The following MAP3K12 variants were observed in gnomAD, a reference collection of about 807,000 sequenced individuals.
MAP3K12 encodes mitogen-activated protein kinase kinase kinase 12.
A neutral mutation model predicts 87.5 loss-of-function variants in MAP3K12; 14 were observed. The observed-to-expected ratio is 0.16, with a 90% CI of 0.11 to 0.25. The LOEUF is 0.25. Among genes scored for constraint, MAP3K12 ranks in the 10% least tolerant of loss-of-function variants. MAP3K12 has a pLI of 1.00. For missense variants in MAP3K12, 802 were observed against 1,140.4 expected (o/e 0.70, Z 4.27); for synonymous variants, 469 against 452.5 (o/e 1.04, Z -0.46).
At chr12:53,484,633 A>G (rs745449722) in intron 6 of MAP3K12, 1 of 479,578 alleles carries the variant, frequency 2.1e-6, no homozygotes, top group Non-Finnish European at 3.7e-6. Flanking sequence ...TCATTGAAGG[A>G]ACCACATTTT....
At position 53,484,349 on chromosome 12, in the gene MAP3K12, T is replaced by C. The variant is rs1368112037; in HGVS notation, c.1156A>G (p.Asn386Asp). 3 of 1,613,956 alleles carry C rather than the reference T, an allele frequency of 1.9e-6. No individual in the cohort carries two copies. Among genetic ancestry groups the C allele is most frequent in the Non-Finnish European group, 2.5e-6 (3 of 1,179,962 alleles). The change falls in exon 7 of 14, where the codon AAT (asparagine) becomes GAT (aspartate). Residue 386 changes from asparagine (N) to aspartate (D), a missense_variant. Asn to Asp is a conservative substitution (Grantham distance 23, BLOSUM62 1). This residue lies in a region of MAP3K12 where 99 missense variants were observed against 193.4 expected (regional missense o/e 0.51). Coordinates refer to ENST00000547488, the MANE Select transcript of MAP3K12 (RefSeq NM_001193511.2). Reference sequence around the variant, plus strand: ...AGGATCTGTCGGAATGATGGGCGATTTCGTGGTTTGCTATTCCTGAAAGGA... The same window carrying C: ...AGGATCTGTCGGAATGATGGGCGATCTCGTGGTTTGCTATTCCTGAAAGGA... ...LRQCWNSKPR[N>D]RPSFRQILLH...
intron 1 of MAP3K12, chr12:53,494,010 C>T (rs1443701282): frequency 6.6e-6 from 1 of 152,370 alleles, no homozygotes; most frequent in Non-Finnish European, 1.5e-5. Flanking sequence ...AGCTGCTGCC[C>T]CTGGGAGCTA....
chr12:53,482,481 T>G, intron 11 of MAP3K12, 84 bp downstream of exon 11: 1 of 1,606,068 alleles, frequency 6.2e-7, no homozygotes, highest in Non-Finnish European at 8.5e-7. Context: ...GGCTTAAAAT[T>G]GAGCATAATG....
rs1358306125 is a variant in MAP3K12, at chr12:53,481,884, G to A, written c.2580+57C>T. ...TCCCCAAAAGCTGTTAAAAGACAAG[G>A]CATCTGCTTACAGCTCTCCCTGTTC... On this transcript the variant is annotated intron_variant, in intron 13 of 13. Transcript: ENST00000547488. 12 of 1,570,340 alleles carry A rather than the reference G, an allele frequency of 7.6e-6. No individual in the cohort carries two copies. In the East Asian group the frequency reaches 2.7e-4, roughly 35 times the overall value.
chr12:53,481,629 T>TGAG, intron 13 of MAP3K12: 1 of 352,920 alleles, frequency 2.8e-6, no homozygotes, highest in Non-Finnish European at 5.2e-6. Flanking sequence ...ATTCCAGGCG[T>TGAG]GAGTCACCAT....
In MAP3K12 at chr12:53,484,896, C is replaced by T. The variant is rs1356629167; in HGVS notation, c.1139+160G>A. The stretch of plus-strand genomic sequence containing the variant: ...CAGGTTCAGAGTAGATACCAATTAC[C>T]CCTGGTGACTCAGCTCAGAAGGTAG... On this transcript the variant is annotated intron_variant, in intron 6 of 13. Transcript: ENST00000547488. The T allele has an allele frequency of 4.9e-6, 4 of 824,118 alleles. No homozygotes were observed. The South Asian group carries it at 5.2e-5, about 11-fold the overall frequency. 51.1% of individuals were successfully genotyped at this position (824,118 alleles called of 1,614,324 possible).
rs761958110 is a variant in MAP3K12 at position 53,482,191 on chromosome 12, A to G, written c.2330T>C (p.Met777Thr). 2 of 1,614,192 alleles carry G rather than the reference A, an allele frequency of 1.2e-6. No individual in the cohort carries two copies. Among genetic ancestry groups the G allele is most frequent in the South Asian group, 2.2e-5 (2 of 91,088 alleles). The change falls in exon 13 of 14, where the codon ATG (methionine) becomes ACG (threonine). Residue 777 changes from methionine to threonine, a missense_variant. Coordinates refer to ENST00000547488, the MANE Select transcript of MAP3K12 (RefSeq NM_001193511.2). ...GCTGAAGGTAGATAGTGACTGGCGC[A>G]TGTTCAGGCTCTGAGGCCACCTACA... ...SSQRWPQSLN[M>T]RQSLSTFSSE...
In MAP3K12 at chr12:53,491,496, C is replaced by T. The variant is rs1943404230; in HGVS notation, c.-37-4068G>A. ...TCACCCAGGCTGGAGCTCAGTGGCA[C>T]GATCTCCGCTCACTGCAAGCTCTGC... is the stretch of plus-strand genomic sequence containing the variant. On this transcript the variant is annotated intron_variant, in intron 1 of 13. Transcript: ENST00000547488. 2.0e-5 allele frequency among the ~76,000 whole-genome samples: 3 copies of T among 149,430 alleles called. No individual in the cohort carries two copies. The South Asian group carries it at 6.3e-4, about 31-fold the overall frequency.
chr12:53,487,595 A>G (rs1360704183), intron 1 of MAP3K12, 167 bp from the exon 2 acceptor site: 31 of 606,454 alleles, frequency 5.1e-5, no homozygotes, highest in Non-Finnish European at 2.2e-5. Flanking sequence ...ACCTTGAGCC[A>G]TCTTAGGAAA....
intron 1 of MAP3K12, among the ~76,000 whole-genome samples, chr12:53,488,180 G>C (rs530698520): frequency 6.6e-6 from 1 of 152,272 alleles, no homozygotes; most frequent in African/African-American, 2.4e-5. Context: ...CAGCCAATGG[G>C]GATGCAGACA....
intron 1 of MAP3K12, among the ~76,000 whole-genome samples, chr12:53,490,731 G>T (rs1943375461): frequency 1.3e-5 from 2 of 150,634 alleles, no homozygotes; most frequent in African/African-American, 4.9e-5. Flanking sequence ...GGGCAACAGA[G>T]TGAGACTCCA....
upstream of MAP3K12, chr12:53,501,434 GCACTAC>G: frequency 3.8e-6 from 6 of 1,568,986 alleles, no homozygotes; most frequent in Non-Finnish European, 5.2e-6. Flanking sequence ...CAAGGCTCCG[GCACTAC>G]CACGGGCTGC....
chr12:53,493,005 C>G (rs57408986), intron 1 of MAP3K12: 18,402 of 141,420 alleles, frequency 0.13, 1,273 homozygotes, highest in Non-Finnish European at 0.17. Context: ...GCCCCCTCCC[C>G]CTTCCCGACC....
upstream of MAP3K12, chr12:53,500,693 CG>C (rs1178685802): frequency 2.0e-5 from 3 of 152,592 alleles, no homozygotes; most frequent in African/African-American, 7.2e-5. Context: ...TCCCCTCCGG[CG>C]TCTAGGTAAG....
At chr12:53,482,510 C>T in intron 11 of MAP3K12, 55 bp downstream of exon 11, 7 of 1,598,404 alleles carry the variant, frequency 4.4e-6, no homozygotes, top group Non-Finnish European at 6.0e-6. Flanking sequence ...TAGACTTGGA[C>T]CCCAGGGAGG....
chr12:53,496,086 G>A (rs1195171233), intron 1 of MAP3K12, among the ~76,000 whole-genome samples: 1 of 152,168 alleles, frequency 6.6e-6, no homozygotes, highest in Non-Finnish European at 1.5e-5. Flanking sequence ...GATAGAGGGG[G>A]TGCAGGGAGC....
At chr12:53,498,908 CTGTGTGTGTGTG>C (rs71068135) in intron 1 of MAP3K12, among the ~76,000 whole-genome samples, 12 of 108,416 alleles carry the variant, frequency 1.1e-4, no homozygotes, top group African/African-American at 3.4e-4. Context: ...GTCCAGCCTG[CTGTGTGTGTGTG>C]TGTGTGTGTG....
chr12:53,491,287 C>CAAAAAAAAAAA (rs780256956), intron 1 of MAP3K12, among the ~76,000 whole-genome samples: 13 of 52,856 alleles, frequency 2.5e-4, no homozygotes, highest in African/African-American at 3.8e-4. Context: ...GACTCTGTCT[C>CAAAAAAAAAAA]AAAAAAAAAA....
chr12:53,501,392 C>G, upstream of MAP3K12: 1 of 1,558,650 alleles, frequency 6.4e-7, no homozygotes, highest in Non-Finnish European at 8.7e-7. Flanking sequence ...GTGGCGCCCG[C>G]GGGGACGGAG....
Sources: allele counts gnomAD v4.1 joint callset (sites outside exome capture counted in the v4.1 genomes callset), GRCh38; gene constraint gnomAD v4.1.1; regional missense constraint gnomAD v4.1.1; transcripts MANE v1.5; gene names NCBI Gene and HGNC (gene_info 2026-07-23, HGNC 2026-07-21).